The following RNGTT variants were observed in gnomAD, a reference collection of about 807,000 sequenced individuals.
RNGTT encodes mRNA-capping enzyme.
In RNGTT, 33 loss-of-function variants were observed where a neutral mutation model predicts 79.3. The ratio of observed to expected loss-of-function variants is 0.42; its 90% CI spans 0.32 to 0.56. The LOEUF (loss-of-function observed/expected upper bound fraction) is 0.56, where lower values mean the gene tolerates loss of function less well. Among genes scored for constraint, RNGTT ranks in the 20% least tolerant of loss-of-function variants. The pLI, the probability that RNGTT is intolerant of heterozygous loss-of-function variation, is 0.17. For synonymous variants in RNGTT, 222 were observed against 235.9 expected (o/e 0.94, Z 0.54); for missense variants, 497 against 739.1 (o/e 0.67, Z 3.80).
At chr6:88,949,179 G>GAAAAAAAAAAAAAAA (rs1785157048) in intron 1 of RNGTT, among the ~76,000 whole-genome samples, 1 of 51,324 alleles carries the variant, frequency 1.9e-5, no homozygotes, top group African/African-American at 8.2e-5. Flanking sequence ...AAAAAAAAAA[G>GAAAAAAAAAAAAAAA]AAAATGAAAA....
At position 88,923,503 on chromosome 6, in the gene RNGTT, G is replaced by A. The variant is rs77495512; in HGVS notation, c.367+5482C>T. ...TTTTATCCAATCCTTGACACTAACA[G>A]ACATTATAATTTTTTTTTCCAAGAA... On this transcript the variant is annotated intron_variant, in intron 4 of 15. Coordinates refer to ENST00000369485, the MANE Select transcript of RNGTT (RefSeq NM_003800.5). 4.8e-3 allele frequency among the ~76,000 whole-genome samples: 732 copies of A among 152,214 alleles called. 2 individuals are homozygous for A. Among genetic ancestry groups the A allele is most frequent in the African/African-American group, 0.017 (694 of 41,528 alleles).
chr6:88,910,001 AT>A (rs1310855352), intron 4 of RNGTT, among the ~76,000 whole-genome samples: 1 of 152,158 alleles, frequency 6.6e-6, no homozygotes, highest in African/African-American at 2.4e-5. Context: ...TCAACAGCAA[AT>A]TCAAAAACAA....
In RNGTT at chr6:88,839,639, C is replaced by G. The variant is rs141410095; in HGVS notation, c.1269+4718G>C. On this transcript the variant is annotated intron_variant, in intron 11 of 15. Coordinates refer to ENST00000369485, the MANE Select transcript of RNGTT (RefSeq NM_003800.5). ...TATAAATAAATGTGTTTATTTATTG[C>G]TAAAGAAATTCTGGATGGATACACT... 1.1e-4 allele frequency among the ~76,000 whole-genome samples: 16 copies of G among 152,112 alleles called. No homozygotes were observed. In the East Asian group the frequency reaches 1.2e-3, roughly 11 times the overall value.
chr6:88,943,452 C>T (rs916963552), intron 1 of RNGTT, among the ~76,000 whole-genome samples: 1 of 152,080 alleles, frequency 6.6e-6, no homozygotes, highest in Non-Finnish European at 1.5e-5. Context: ...TCACCACCTC[C>T]ACCAACATCT....
intron 2 of RNGTT, among the ~76,000 whole-genome samples, chr6:88,930,041 C>CAA: frequency 6.9e-6 from 1 of 145,318 alleles, no homozygotes; most frequent in Non-Finnish European, 1.5e-5. Flanking sequence ...CATATATATG[C>CAA]ATATATACAT....
chr6:88,778,060 G>T (rs1014101393), intron 12 of RNGTT, among the ~76,000 whole-genome samples: 2 of 152,088 alleles, frequency 1.3e-5, no homozygotes, highest in Non-Finnish European at 2.9e-5. Flanking sequence ...TGTGGTTTTA[G>T]CTTTTATTCT....
At chr6:88,638,845 C>G (rs974570247) in intron 14 of RNGTT, among the ~76,000 whole-genome samples, 35 of 152,086 alleles carry the variant, frequency 2.3e-4, no homozygotes, top group African/African-American at 7.2e-4. Context: ...ATTTGCCACA[C>G]AATAACTGTT....
intron 14 of RNGTT, among the ~76,000 whole-genome samples, chr6:88,648,215 C>T (rs2610746): frequency 0.27 from 40,512 of 151,994 alleles, 9,481 homozygotes; most frequent in African/African-American, 0.63. Flanking sequence ...CAGGACCCTT[C>T]TGTTATCATC....
intron 13 of RNGTT, among the ~76,000 whole-genome samples, chr6:88,689,594 C>CAA (rs71554788): frequency 0.013 from 1,251 of 97,402 alleles, 32 homozygotes; most frequent in African/African-American, 0.037. Context: ...GACTCTGTCT[C>CAA]AAAAAAAAAA....
chr6:88,757,415 T>C (rs920947882), intron 13 of RNGTT, among the ~76,000 whole-genome samples: 1 of 152,192 alleles, frequency 6.6e-6, no homozygotes, highest in Non-Finnish European at 1.5e-5. Flanking sequence ...TCAAACCTAG[T>C]ATCTAAATAC....
chr6:88,888,771 TG>T (rs1426448287), intron 8 of RNGTT, among the ~76,000 whole-genome samples: 1 of 152,232 alleles, frequency 6.6e-6, no homozygotes, highest in Non-Finnish European at 1.5e-5. Context: ...GGCTCACACC[TG>T]TAATCCCAGC....
At chr6:88,907,915 G>A (rs1388106628) in intron 4 of RNGTT, among the ~76,000 whole-genome samples, 1 of 151,354 alleles carries the variant, frequency 6.6e-6, no homozygotes, top group African/African-American at 2.4e-5. Flanking sequence ...TTTTTTCTAT[G>A]GTAAAGACAG....
At chr6:88,810,694 CCTA>C (rs1270577822) in intron 11 of RNGTT, among the ~76,000 whole-genome samples, 1 of 152,110 alleles carries the variant, frequency 6.6e-6, no homozygotes, top group African/African-American at 2.4e-5. Context: ...CAAAAAATAA[CCTA>C]CTGTTTCTTT....
chr6:88,875,274 G>A (rs1269362843), intron 8 of RNGTT, among the ~76,000 whole-genome samples: 2 of 151,838 alleles, frequency 1.3e-5, no homozygotes, highest in African/African-American at 4.8e-5. Flanking sequence ...CAGAAAGTAA[G>A]GAAAGAAAAC....
chr6:88,690,940 T>C (rs1376726926), intron 13 of RNGTT, among the ~76,000 whole-genome samples: 1 of 152,144 alleles, frequency 6.6e-6, no homozygotes, highest in Non-Finnish European at 1.5e-5. Context: ...ATCAAGTGCC[T>C]ATATATAATA....
At chr6:88,768,160 GTTTC>G (rs1296466275) in intron 13 of RNGTT, among the ~76,000 whole-genome samples, 2 of 150,670 alleles carry the variant, frequency 1.3e-5, no homozygotes, top group Non-Finnish European at 3.0e-5. Flanking sequence ...GTGTGTGTGT[GTTTC>G]TTTTTCTTTC....
At chr6:88,823,591 A>C (rs901678181) in intron 11 of RNGTT, among the ~76,000 whole-genome samples, 2 of 152,206 alleles carry the variant, frequency 1.3e-5, no homozygotes, top group African/African-American at 4.8e-5. Context: ...CCCAGTAAAA[A>C]ATAAAACTGA....
intron 13 of RNGTT, among the ~76,000 whole-genome samples, chr6:88,699,813 AC>A (rs1472561263): frequency 3.9e-5 from 6 of 152,252 alleles, no homozygotes; most frequent in Admixed American, 6.5e-5. Flanking sequence ...TAAGTCAGAC[AC>A]AAAAAGACAA....
chr6:88,748,757 G>A (rs1034912798), intron 13 of RNGTT, among the ~76,000 whole-genome samples: 1 of 151,414 alleles, frequency 6.6e-6, no homozygotes, highest in African/African-American at 2.4e-5. Flanking sequence ...AATGCCGGAA[G>A]CAAAGAAGAA....
Sources: gnomAD v4.1 joint callset for allele counts (sites outside exome capture counted in the v4.1 genomes callset) on GRCh38, gnomAD v4.1.1 for gene constraint, MANE v1.5 for transcripts, NCBI Gene and HGNC (gene_info 2026-07-23, HGNC 2026-07-21) for gene names.